ARFIP1: variants seen among roughly 807,000 people sequenced by gnomAD.
ARFIP1 encodes the protein ARF interacting protein 1.
Under a neutral mutation model 42.5 loss-of-function variants are expected in ARFIP1, and 24 were observed. That is an observed-to-expected ratio of 0.57 (90% CI 0.41 to 0.80). ARFIP1 has a LOEUF of 0.80. ARFIP1 is among the 30% of genes least tolerant of loss of function. ARFIP1 has a pLI of 0.00. For missense variants in ARFIP1, 354 were observed against 434.0 expected (o/e 0.82, Z 1.64); for synonymous variants, 141 against 153.7 (o/e 0.92, Z 0.61).
intron 2 of ARFIP1, among the ~76,000 whole-genome samples, chr4:152,848,884 T>C (rs546380098): frequency 6.6e-6 from 1 of 152,332 alleles, no homozygotes; most frequent in African/African-American, 2.4e-5. Context: ...TGCAATATAA[T>C]GTTTCCACGT....
At chr4:152,785,515 G>A (rs1312221836) in intron 1 of ARFIP1, among the ~76,000 whole-genome samples, 1 of 152,162 alleles carries the variant, frequency 6.6e-6, no homozygotes, top group Non-Finnish European at 1.5e-5. Flanking sequence ...ATTGCCCAGG[G>A]TGGTCTTGAA....
chr4:152,863,599 T>C lies in ARFIP1; in HGVS notation c.94-7T>C. 6.6e-7 allele frequency: 1 copy of C among 1,519,420 alleles called. No homozygotes were observed. The highest frequency in any genetic ancestry group is 9.1e-7 in the Non-Finnish European group (1 of 1,100,674). 94.1% of individuals were successfully genotyped at this position (1,519,420 alleles called of 1,614,324 possible). A position where few individuals can be genotyped will look rare whatever the true frequency, so the allele number is the denominator to read the frequency against. On this transcript the variant is annotated splice_polypyrimidine_tract_variant and splice_region_variant and intron_variant, in intron 2 of 8. Transcript: ENST00000353617. ...AAAGTTTTTTCTTTTATTTAAATCT[T>C]GCTAAGGATTTGAAGCATTCATTAC...
At chr4:152,865,940 G>A (rs1011784688) in intron 3 of ARFIP1, among the ~76,000 whole-genome samples, 8 of 152,004 alleles carry the variant, frequency 5.3e-5, no homozygotes, top group Non-Finnish European at 8.8e-5. Context: ...AGGGTCATAG[G>A]ACAATAGTGG....
chr4:152,910,030 A>T lies in ARFIP1; in HGVS notation c.967-34A>T, dbSNP rs375193580. ...TCTCTATTTTATTGTTATTGGTGTT[A>T]ATGCTTGGTCTTGTAACTCTGCCCT... On this transcript the variant is annotated intron_variant, in intron 8 of 8. Transcript: ENST00000353617. The T allele has an allele frequency of 1.2e-5, 20 of 1,604,106 alleles. No homozygotes were observed. The African/African-American group carries it at 2.6e-4, about 20-fold the overall frequency.
chr4:152,888,060 C>T (rs1028281302), intron 7 of ARFIP1, 73 bp from the exon 8 acceptor site: 5 of 1,209,346 alleles, frequency 4.1e-6, no homozygotes, highest in East Asian at 2.4e-5. Flanking sequence ...CTGAATATTA[C>T]GTATTTCCAA....
At chr4:152,891,007 G>T (rs75832011) in intron 8 of ARFIP1, among the ~76,000 whole-genome samples, 13 of 152,102 alleles carry the variant, frequency 8.5e-5, no homozygotes, top group Non-Finnish European at 1.8e-4. Context: ...CACAATGAAG[G>T]TACCAGTGTC....
At chr4:152,804,522 G>T (rs1330144003) in intron 1 of ARFIP1, among the ~76,000 whole-genome samples, 2 of 124,828 alleles carry the variant, frequency 1.6e-5, no homozygotes, top group East Asian at 2.2e-4. Flanking sequence ...TATATAGTTG[G>T]GAGGGCCTGT....
rs1401536366 is a variant in ARFIP1 at position 152,796,423 on chromosome 4, CT to C, written c.-10+16200del. The C allele has an allele frequency of 2.2e-5, 16 of 742,416 alleles. No individual in the cohort carries two copies. The African/African-American group carries it at 2.8e-4, about 13-fold the overall frequency. The allele number at this position is 742,416 out of a possible 1,614,324, so 46.0% of individuals were successfully genotyped here. A position where few individuals can be genotyped will look rare whatever the true frequency, so the allele number is the denominator to read the frequency against. Reference sequence around the variant, plus strand: ...TCCTCTTCCATGCCTTCTTCTTTCTCTTTCCTGTTTGAATAACTTAATGCTT... The same window carrying C: ...TCCTCTTCCATGCCTTCTTCTTTCTCTTCCTGTTTGAATAACTTAATGCTT... On this transcript the variant is annotated intron_variant, in intron 1 of 8. Transcript: ENST00000353617.
At chr4:152,858,183 T>G (rs1733594686) in intron 2 of ARFIP1, among the ~76,000 whole-genome samples, 1 of 152,050 alleles carries the variant, frequency 6.6e-6, no homozygotes, top group African/African-American at 2.4e-5. Flanking sequence ...TCCCAGCTAC[T>G]CGGGAGGCTG....
chr4:152,835,210 T>C (rs1363340333), intron 2 of ARFIP1, among the ~76,000 whole-genome samples: 2 of 152,208 alleles, frequency 1.3e-5, no homozygotes, highest in African/African-American at 4.8e-5. Context: ...GCCTGCAAAT[T>C]TTCCAAACTT....
chr4:152,893,159 T>C (rs1185985927), intron 8 of ARFIP1, among the ~76,000 whole-genome samples: 1 of 152,202 alleles, frequency 6.6e-6, no homozygotes, highest in Admixed American at 6.5e-5. Flanking sequence ...ATAGTACTCA[T>C]TCAGCAAGTG....
At chr4:152,890,368 T>G (rs1736743049) in intron 8 of ARFIP1, among the ~76,000 whole-genome samples, 1 of 152,188 alleles carries the variant, frequency 6.6e-6, no homozygotes, top group Non-Finnish European at 1.5e-5. Flanking sequence ...ATTTTAAATG[T>G]CAATCAGATG....
chr4:152,822,928 T>G (rs1425665387), intron 1 of ARFIP1, among the ~76,000 whole-genome samples: 1 of 152,126 alleles, frequency 6.6e-6, no homozygotes, highest in Admixed American at 6.5e-5. Flanking sequence ...ACAAATGTGC[T>G]AAACACCTAC....
At chr4:152,876,703 C>G (rs540288062) in intron 5 of ARFIP1, among the ~76,000 whole-genome samples, 1 of 152,366 alleles carries the variant, frequency 6.6e-6, no homozygotes, top group Admixed American at 6.5e-5. Flanking sequence ...ATCTTCACGG[C>G]AGCCCCTTCC....
intron 2 of ARFIP1, among the ~76,000 whole-genome samples, chr4:152,855,539 G>T (rs1365965808): frequency 2.0e-5 from 3 of 152,202 alleles, no homozygotes; most frequent in African/African-American, 7.2e-5. Context: ...GGATACAGTA[G>T]TCTGCTATCA....
chr4:152,833,189 C>T (rs1307886630), intron 2 of ARFIP1, among the ~76,000 whole-genome samples: 2 of 146,860 alleles, frequency 1.4e-5, no homozygotes, highest in Admixed American at 6.9e-5. Flanking sequence ...TCATACAAGT[C>T]AATAGCAGAA....
chr4:152,858,783 C>G (rs1733640073), intron 2 of ARFIP1, among the ~76,000 whole-genome samples: 1 of 152,064 alleles, frequency 6.6e-6, no homozygotes, highest in South Asian at 2.1e-4. Context: ...CAAATATACA[C>G]ATAATATATC....
chr4:152,810,855 A>G (rs976918859), intron 1 of ARFIP1, among the ~76,000 whole-genome samples: 6 of 151,894 alleles, frequency 4.0e-5, no homozygotes, highest in South Asian at 4.1e-4. Context: ...TCTTCCTACT[A>G]TATGATAGTG....
rs568924776 is a variant in ARFIP1 at position 152,783,843 on chromosome 4, G to C, written c.-10+3617G>C. Among the ~76,000 whole-genome samples the C allele has an allele frequency of 2.6e-5, 4 of 152,216 alleles. No individual in the cohort carries two copies. In the South Asian group the frequency reaches 8.3e-4, roughly 32 times the overall value. On this transcript the variant is annotated intron_variant, in intron 1 of 8. Coordinates refer to ENST00000353617, the MANE Select transcript of ARFIP1 (RefSeq NM_001025595.3). ...ATGGATATAAGTCTCTGGTGTGTGTGTGTGTGTGTGTTAGAACACACACAC... is the reference window on the plus strand; with the variant it reads ...ATGGATATAAGTCTCTGGTGTGTGTCTGTGTGTGTGTTAGAACACACACAC...
Sources: allele counts gnomAD v4.1 joint callset (sites outside exome capture counted in the v4.1 genomes callset), GRCh38; gene constraint gnomAD v4.1.1; transcripts MANE v1.5; gene names NCBI Gene and HGNC (gene_info 2026-07-23, HGNC 2026-07-21).